Variants in IQCE observed in about 807,000 individuals in gnomAD.
IQCE encodes the protein IQ motif containing E.
Under a neutral mutation model 96.0 loss-of-function variants are expected in IQCE, and 115 were observed. That is an observed-to-expected ratio of 1.20 (90% CI 1.03 to 1.40). IQCE has a LOEUF of 1.40. Among genes scored for constraint, IQCE ranks in the 40% most tolerant of loss-of-function variants. The probability of loss-of-function intolerance (pLI) is 0.00; values close to 1 mark genes in which losing one functional copy is unlikely to be tolerated. For missense variants in IQCE, 1,041 were observed against 909.1 expected, an observed-to-expected ratio of 1.15 and a Z score of -1.87; for synonymous variants, 412 against 371.2, an observed-to-expected ratio of 1.11 and a Z score of -1.26.
intron 1 of IQCE, among the ~76,000 whole-genome samples, chr7:2,563,967 T>G (rs190236981): frequency 0.012 from 1,844 of 151,624 alleles, 18 homozygotes; most frequent in Non-Finnish European, 0.019. Flanking sequence ...CCCAGCACTT[T>G]GGGAGGCTGA....
chr7:2,596,835 G>T (rs1784074656), intron 16 of IQCE: 1 of 402,988 alleles, frequency 2.5e-6, no homozygotes, highest in African/African-American at 2.1e-5. Flanking sequence ...TCTTCTTAGG[G>T]TTACAAAATC....
At chr7:2,562,302 A>ATATATATATATAT (rs1554301261) in intron 1 of IQCE, among the ~76,000 whole-genome samples, 6 of 151,518 alleles carry the variant, frequency 4.0e-5, no homozygotes, top group African/African-American at 1.5e-4. Context: ...ATATATATAT[A>ATATATATATATAT]AAATCCTTTT....
rs1454545362 is a variant in IQCE at position 2,614,007 on chromosome 7, C to T, written c.*3845C>T. On this transcript the variant is annotated 3_prime_UTR_variant, in exon 22 of 22. Transcript: ENST00000402050. ...TTAAGAAGAGACTAAAATAGCCAAA[C>T]GACGCTGGTCGCATGCGCTGGCTGT... is the stretch of plus-strand genomic sequence containing the variant. The T allele has an allele frequency of 1.3e-5, 2 of 152,240 alleles. No individual in the cohort carries two copies. Among genetic ancestry groups the T allele is most frequent in the Non-Finnish European group, 2.9e-5 (2 of 68,056 alleles). The allele number at this position is 152,240 out of a possible 1,614,324, so 9.4% of individuals were successfully genotyped here.
intron 15 of IQCE, 89 bp from the exon 16 acceptor site, chr7:2,594,797 G>C: frequency 1.1e-6 from 1 of 915,716 alleles, no homozygotes; most frequent in Non-Finnish European, 1.8e-6. Context: ...CCCTGTCTCC[G>C]CCTGGACCGC....
Position 2,612,240 on chromosome 7 carries a change from G to A in IQCE, c.*2078G>A, listed in dbSNP as rs73043202. 1,384 of 152,354 alleles carry A rather than the reference G, an allele frequency of 9.1e-3. 7 individuals carry two copies. Among genetic ancestry groups the A allele is most frequent in the South Asian group, 0.017 (80 of 4,828 alleles). The allele number at this position is 152,354 out of a possible 1,614,324, so 9.4% of individuals were successfully genotyped here. On this transcript the variant is annotated 3_prime_UTR_variant, in exon 22 of 22. Transcript: ENST00000402050. ...CCATGTCCTCTGGTGCAGCTGGGCT[G>A]CTCTTTTAAAAGCCAGCATCCATCT...
At chr7:2,564,976 C>T (rs1168156196) in intron 1 of IQCE, among the ~76,000 whole-genome samples, 4 of 152,212 alleles carry the variant, frequency 2.6e-5, no homozygotes, top group Non-Finnish European at 5.9e-5. Context: ...CTGTTACAAC[C>T]ACCCTGACAC....
intron 10 of IQCE, 112 bp from the exon 11 acceptor site, chr7:2,584,124 G>A (rs1415821291): frequency 1.1e-6 from 1 of 945,128 alleles, no homozygotes; most frequent in Non-Finnish European, 1.7e-6. Context: ...CGGCCACTTA[G>A]TTCCCGCTTC....
At chr7:2,568,911 G>C in intron 2 of IQCE, 43 bp from the exon 3 acceptor site, 1 of 1,584,088 alleles carries the variant, frequency 6.3e-7, no homozygotes, top group Non-Finnish European at 8.6e-7. Context: ...ATGCACCACT[G>C]TGGGAGCTCA....
chr7:2,609,543 G>A (rs980288358), intron 21 of IQCE, among the ~76,000 whole-genome samples: 3 of 152,216 alleles, frequency 2.0e-5, no homozygotes, highest in Admixed American at 6.5e-5. Flanking sequence ...GTGTGGACTC[G>A]AGGTTCCTCC....
rs1174115654 is a variant in IQCE, at chr7:2,598,508, A to G, written c.1484A>G (p.Glu495Gly). The G allele has an allele frequency of 1.5e-5, 24 of 1,609,694 alleles. No homozygotes were observed. The highest frequency in any genetic ancestry group is 2.0e-5 in the Non-Finnish European group (24 of 1,178,106). Residue 495 changes from glutamate (E) to glycine (G), a missense_variant, in exon 17 of 22, where the codon GAG becomes GGG. Transcript: ENST00000402050. ...CCCACTCCCAGCAGCAGGCACTGCG[A>G]GCAAGACTGGCCGCCGGATTCCAGC... ...PAPTPSSRHC[E>G]QDWPPDSSEE...
rs1191160958 is a variant in IQCE, at chr7:2,578,311, A to C, written c.535A>C (p.Ser179Arg). ...TKLRRLEEENSRKDRQIEQLL... is the reference protein window; with the variant it reads ...TKLRRLEEENRRKDRQIEQLL... ...GCTCCGGCGCCTGGAGGAGGAAAAC[A>C]GCAGGAAGGACCGGCAGATAGAGCA... is the stretch of plus-strand genomic sequence containing the variant. The change falls in exon 7 of 22, where the codon AGC becomes CGC. Residue 179 changes from serine (S) to arginine (R), a missense_variant. Ser to Arg is a moderately radical substitution (Grantham distance 110). Coordinates refer to ENST00000402050, the MANE Select transcript of IQCE (RefSeq NM_152558.5). 6.2e-7 allele frequency: 1 copy of C among 1,613,894 alleles called. No homozygotes were observed. Among genetic ancestry groups the C allele is most frequent in the African/African-American group, 1.3e-5 (1 of 74,838 alleles).
At chr7:2,565,761 A>C (rs961328686) in intron 1 of IQCE, among the ~76,000 whole-genome samples, 2 of 152,202 alleles carry the variant, frequency 1.3e-5, no homozygotes, top group Non-Finnish European at 2.9e-5. Context: ...TATGCTGTTT[A>C]TGTCTTAAAA....
chr7:2,601,772 A>G (rs573376611), intron 18 of IQCE: 138 of 324,174 alleles, frequency 4.3e-4, no homozygotes, highest in Non-Finnish European at 6.6e-4. Flanking sequence ...ATGGTCTCCA[A>G]CTCCTGACCT....
In IQCE at chr7:2,567,178, G is replaced by T. The variant is rs1340855333; in HGVS notation, c.84+15G>T. 6.2e-7 allele frequency: 1 copy of T among 1,611,478 alleles called. No individual in the cohort carries two copies. The highest frequency in any genetic ancestry group is 2.2e-5 in the East Asian group (1 of 44,882). ...ATGTGGAGACGGTGAGTGCCGCTGG[G>T]TGTCAGCCGTGCGACCTCGGGCTGG... On this transcript the variant is annotated intron_variant, in intron 2 of 21. Transcript: ENST00000402050.
chr7:2,586,472 G>A lies in IQCE; in HGVS notation c.988+101G>A, dbSNP rs979508125. On this transcript the variant is annotated intron_variant, in intron 12 of 21. Transcript: ENST00000402050. Reference sequence around the variant, plus strand: ...CCCAACTGAGGACAGGCACCACGAGGGCAGATGTGAACCCTTGGGCAACGC... The same window carrying A: ...CCCAACTGAGGACAGGCACCACGAGAGCAGATGTGAACCCTTGGGCAACGC... 7.6e-6 allele frequency: 10 copies of A among 1,315,584 alleles called. No homozygotes were observed. The East Asian group carries it at 1.4e-4, about 19-fold the overall frequency. 81.5% of individuals were successfully genotyped at this position (1,315,584 alleles called of 1,614,324 possible).
chr7:2,599,106 C>A (rs546463159), intron 17 of IQCE, among the ~76,000 whole-genome samples: 7 of 152,330 alleles, frequency 4.6e-5, no homozygotes, highest in Admixed American at 6.5e-5. Flanking sequence ...CCCATCGGAG[C>A]CTGGGGGTCG....
chr7:2,577,328 A>G (rs1264718135), intron 6 of IQCE, among the ~76,000 whole-genome samples: 13 of 100,436 alleles, frequency 1.3e-4, no homozygotes, highest in South Asian at 3.2e-4. Flanking sequence ...TGTGCGGCGT[A>G]TACACATTGG....
chr7:2,598,705 A>T, intron 17 of IQCE, 73 bp downstream of exon 17: 1 of 1,347,126 alleles, frequency 7.4e-7, no homozygotes, highest in Non-Finnish European at 9.7e-7. Flanking sequence ...CTCACTCTCC[A>T]GGAATGACTG....
intron 13 of IQCE, 67 bp downstream of exon 13, chr7:2,587,944 CAG>C (rs150431779): frequency 0.43 from 625,297 of 1,470,476 alleles, 138,084 homozygotes; most frequent in Non-Finnish European, 0.46. Context: ...GACGGGCTCA[CAG>C]GGTGCGGAAG....
Sources: allele counts gnomAD v4.1 joint callset (sites outside exome capture counted in the v4.1 genomes callset), GRCh38; gene constraint gnomAD v4.1.1; transcripts MANE v1.5; gene names NCBI Gene and HGNC (gene_info 2026-07-23, HGNC 2026-07-21).